Variants in LINC00305 observed in about 807,000 individuals in gnomAD.
LINC00305 encodes long intergenic non-protein coding RNA 305.
intron 1 of LINC00305, among the ~76,000 whole-genome samples, chr18:64,130,447 C>A (rs919524549): frequency 6.6e-6 from 1 of 152,108 alleles, no homozygotes; most frequent in Non-Finnish European, 1.5e-5. Flanking sequence ...CCTGTTCTAC[C>A]TTTTCAGTTA....
At chr18:64,099,429 A>C (rs554652352) in intron 1 of LINC00305, among the ~76,000 whole-genome samples, 72 of 152,306 alleles carry the variant, frequency 4.7e-4, no homozygotes, top group African/African-American at 1.7e-3. Context: ...ACCTGCTGAG[A>C]ACTAAGTACA....
rs147307336 is a variant in LINC00305, at chr18:64,100,776, G to A, written n.315-2136C>T. ...GTGTCCATATATGGCTTCCTGTTTT[G>A]TCACATGAGGCAGTTGCCTGCTATG... On this transcript the variant is annotated intron_variant and non_coding_transcript_variant, in intron 1 of 3. Coordinates refer to ENST00000666468, the Ensembl canonical transcript of LINC00305. Among the ~76,000 whole-genome samples, 487 of 152,258 alleles carry A rather than the reference G, an allele frequency of 3.2e-3. 2 individuals carry two copies. Among genetic ancestry groups the A allele is most frequent in the Middle Eastern group, 0.017 (5 of 294 alleles).
chr18:64,104,649 G>C (rs544524614), intron 1 of LINC00305, among the ~76,000 whole-genome samples: 11 of 152,296 alleles, frequency 7.2e-5, no homozygotes, highest in Non-Finnish European at 1.5e-4. Flanking sequence ...GAAGTAGCAA[G>C]GACTCTACCT....
At chr18:64,107,227 C>A (rs894263474) in intron 1 of LINC00305, among the ~76,000 whole-genome samples, 1 of 152,116 alleles carries the variant, frequency 6.6e-6, no homozygotes, top group Admixed American at 6.5e-5. Flanking sequence ...AGTGACTAAC[C>A]TCGACTGTTC....
intron 3 of LINC00305, among the ~76,000 whole-genome samples, chr18:64,083,870 T>A (rs1180082752): frequency 6.6e-6 from 1 of 152,236 alleles, no homozygotes; most frequent in Non-Finnish European, 1.5e-5. Context: ...GCAATTTGAA[T>A]CTGACTCGAA....
chr18:64,087,540 T>C (rs907082699), intron 3 of LINC00305, among the ~76,000 whole-genome samples: 6 of 152,238 alleles, frequency 3.9e-5, no homozygotes, highest in Admixed American at 3.9e-4. Flanking sequence ...TTGACATTGT[T>C]ACTTAATCTT....
chr18:64,099,297 T>G (rs1296640064), intron 1 of LINC00305, among the ~76,000 whole-genome samples: 1 of 152,218 alleles, frequency 6.6e-6, no homozygotes, highest in African/African-American at 2.4e-5. Context: ...AACATTTATT[T>G]AAAAGCCCTA....
At chr18:64,145,374 C>A (rs566963320) in intron 1 of LINC00305, among the ~76,000 whole-genome samples, 3 of 152,192 alleles carry the variant, frequency 2.0e-5, no homozygotes, top group Non-Finnish European at 4.4e-5. Context: ...AACCTACCCC[C>A]GCCCTGACTA....
At chr18:64,112,456 T>C (rs1434498288) in intron 1 of LINC00305, among the ~76,000 whole-genome samples, 5 of 152,072 alleles carry the variant, frequency 3.3e-5, no homozygotes, top group Admixed American at 2.6e-4. Context: ...GAAGAAAATA[T>C]GTGGACTTGA....
intron 1 of LINC00305, among the ~76,000 whole-genome samples, chr18:64,141,052 T>TAAAAAAA (rs34175314): frequency 1.0e-5 from 1 of 96,332 alleles, no homozygotes. Context: ...GCCTGAATGA[T>TAAAAAAA]AAAAAAAAAA....
At chr18:64,140,922 G>A (rs2051459351) in intron 1 of LINC00305, among the ~76,000 whole-genome samples, 2 of 152,018 alleles carry the variant, frequency 1.3e-5, no homozygotes, top group Non-Finnish European at 2.9e-5. Flanking sequence ...TGCAGGGGAG[G>A]AAGGAGAGGC....
chr18:64,110,684 A>C (rs1294269985), intron 1 of LINC00305, among the ~76,000 whole-genome samples: 1 of 152,130 alleles, frequency 6.6e-6, no homozygotes, highest in Admixed American at 6.5e-5. Context: ...TATTTTAGAT[A>C]ATTTTTTTTT....
chr18:64,145,691 C>T (rs1372445437), intron 1 of LINC00305, among the ~76,000 whole-genome samples: 2 of 152,202 alleles, frequency 1.3e-5, no homozygotes, highest in East Asian at 1.9e-4. Context: ...GCTGGGATTA[C>T]AGGCATGAGC....
At chr18:64,098,736 C>T in intron 1 of LINC00305, 1 of 348,372 alleles carries the variant, frequency 2.9e-6, no homozygotes. Context: ...GTCCCCCATT[C>T]TTCTGTGTGA....
In LINC00305 at chr18:64,092,439, G is replaced by A. The variant is rs570458917; in HGVS notation, n.540+5395C>T. ...TAGCCTGGTGTGGTGGCAGGTGCCTGTAGTCCCAGCTACTCAGGAGGCTGA... is the reference window on the plus strand; with the variant it reads ...TAGCCTGGTGTGGTGGCAGGTGCCTATAGTCCCAGCTACTCAGGAGGCTGA... On this transcript the variant is annotated intron_variant and non_coding_transcript_variant, in intron 3 of 3. Coordinates refer to ENST00000666468, the Ensembl canonical transcript of LINC00305. Among the ~76,000 whole-genome samples, 58 of 152,278 alleles carry A rather than the reference G, an allele frequency of 3.8e-4. No individual in the cohort carries two copies. The Middle Eastern group carries it at 0.014, about 36-fold the overall frequency.
chr18:64,105,521 C>T (rs943729963), intron 1 of LINC00305, among the ~76,000 whole-genome samples: 1 of 151,840 alleles, frequency 6.6e-6, no homozygotes, highest in Non-Finnish European at 1.5e-5. Flanking sequence ...ATTTAAAAAC[C>T]CCTCAAATTG....
intron 1 of LINC00305, among the ~76,000 whole-genome samples, chr18:64,132,965 C>T (rs1484370678): frequency 2.0e-5 from 3 of 152,054 alleles, no homozygotes; most frequent in Non-Finnish European, 2.9e-5. Context: ...CAAGCAAAGT[C>T]GAGAGAATTA....
At chr18:64,110,168 C>T (rs937660679) in intron 1 of LINC00305, among the ~76,000 whole-genome samples, 4 of 152,138 alleles carry the variant, frequency 2.6e-5, no homozygotes, top group African/African-American at 9.7e-5. Flanking sequence ...GCTTGGATCC[C>T]TGAGAGGCCT....
intron 3 of LINC00305, among the ~76,000 whole-genome samples, chr18:64,089,629 A>T (rs773089344): frequency 2.0e-5 from 3 of 152,212 alleles, no homozygotes; most frequent in Non-Finnish European, 4.4e-5. Flanking sequence ...TGCCTGTATT[A>T]GTCCATTTTC....
Sources: gnomAD v4.1 joint callset for allele counts (sites outside exome capture counted in the v4.1 genomes callset) on GRCh38, gnomAD v4.1.1 for gene constraint, MANE v1.5 for transcripts, NCBI Gene and HGNC (gene_info 2026-07-23, HGNC 2026-07-21) for gene names.